ZFR2: variants seen among roughly 807,000 people sequenced by gnomAD.
ZFR2 encodes the protein zinc finger RNA binding protein 2, also known as zinc finger RNA-binding protein 2.
Under a neutral mutation model 105.7 loss-of-function variants are expected in ZFR2, and 104 were observed. The observed-to-expected ratio is 0.98, with a 90% CI of 0.84 to 1.16. The LOEUF (loss-of-function observed/expected upper bound fraction) is 1.16. Among genes scored for constraint, ZFR2 ranks in the 50% most tolerant of loss-of-function variants. ZFR2 has a pLI of 0.00. For missense variants in ZFR2, 1,425 were observed against 1,355.5 expected, an observed-to-expected ratio of 1.05 and a Z score of -0.80; for synonymous variants, 634 against 597.7, an observed-to-expected ratio of 1.06 and a Z score of -0.89.
chr19:3,856,088 G>A (rs1241468006), intron 1 of ZFR2, among the ~76,000 whole-genome samples: 1 of 152,244 alleles, frequency 6.6e-6, no homozygotes, highest in Non-Finnish European at 1.5e-5. Flanking sequence ...GCTGGTGCGC[G>A]GTGGAGGCGG....
intron 11 of ZFR2, among the ~76,000 whole-genome samples, chr19:3,819,640 G>A (rs1599226615): frequency 6.6e-6 from 1 of 152,246 alleles, no homozygotes; most frequent in South Asian, 2.1e-4. Context: ...GATCACCTGA[G>A]GTCAGGAGTT....
chr19:3,860,732 C>T (rs542755693), intron 1 of ZFR2, among the ~76,000 whole-genome samples: 38 of 152,158 alleles, frequency 2.5e-4, no homozygotes, highest in South Asian at 2.1e-4. Context: ...CCAACAGCAT[C>T]GGCTCACTAC....
At chr19:3,825,470 G>T in intron 6 of ZFR2, 63 bp from the exon 7 acceptor site, 1 of 1,512,068 alleles carries the variant, frequency 6.6e-7, no homozygotes, top group South Asian at 1.3e-5. Context: ...CCTTTTTCAA[G>T]AGGCAGGAAG....
At chr19:3,819,363 G>T in intron 11 of ZFR2, 128 bp from the exon 12 acceptor site, 2 of 992,696 alleles carry the variant, frequency 2.0e-6, no homozygotes, top group Non-Finnish European at 2.8e-6. Context: ...GGCCAGGTGA[G>T]AATCCAGTGC....
At chr19:3,851,348 A>C (rs1185133171) in intron 1 of ZFR2, among the ~76,000 whole-genome samples, 1 of 152,144 alleles carries the variant, frequency 6.6e-6, no homozygotes, top group African/African-American at 2.4e-5. Context: ...CAAGAGTAAT[A>C]TGTGTTTGGT....
At chr19:3,842,627 CT>C (rs35716661) in intron 1 of ZFR2, among the ~76,000 whole-genome samples, 185 of 141,920 alleles carry the variant, frequency 1.3e-3, no homozygotes, top group Non-Finnish European at 1.4e-3. Context: ...TTTCTTTTTT[CT>C]TTTTTTTTTT....
At chr19:3,831,145 G>A (rs2038009966) in intron 5 of ZFR2, among the ~76,000 whole-genome samples, 158 bp downstream of exon 5, 1 of 152,152 alleles carries the variant, frequency 6.6e-6, no homozygotes, top group Admixed American at 6.5e-5. Flanking sequence ...ACACACAAGC[G>A]CTTGCACACA....
chr19:3,864,403 AACAAAC>A (rs1370024490), intron 1 of ZFR2, among the ~76,000 whole-genome samples: 1 of 145,528 alleles, frequency 6.9e-6, no homozygotes, highest in Non-Finnish European at 1.5e-5. Flanking sequence ...CAAACAAACA[AACAAAC>A]AGAGGTTCTC....
At position 3,858,350 on chromosome 19, in the gene ZFR2, G is replaced by T. The variant is rs1438175464; in HGVS notation, c.53+10615C>A. 2.0e-5 allele frequency among the ~76,000 whole-genome samples: 3 copies of T among 152,130 alleles called. No homozygotes were observed. The highest frequency in any genetic ancestry group is 2.9e-5 in the Non-Finnish European group (2 of 68,036). On this transcript the variant is annotated intron_variant, in intron 1 of 18. Transcript: ENST00000262961. This position sits in a 1 kb window ranked among gnomAD's most constrained non-coding sequence, Gnocchi z 4.3. Reference sequence around the variant, plus strand: ...TGTCTTAGGGACAGCCAGGAAGATGGGTCATTCTCTATTTGCATATAATGC... The same window carrying T: ...TGTCTTAGGGACAGCCAGGAAGATGTGTCATTCTCTATTTGCATATAATGC...
intron 6 of ZFR2, among the ~76,000 whole-genome samples, chr19:3,825,948 T>C (rs2037944842): frequency 1.3e-5 from 2 of 152,226 alleles, no homozygotes; most frequent in African/African-American, 4.8e-5. Context: ...ACTGTGTGTG[T>C]GCTGGGGACC....
At chr19:3,831,632 C>T in intron 4 of ZFR2, 28 bp downstream of exon 4, 1 of 1,522,244 alleles carries the variant, frequency 6.6e-7, no homozygotes, top group Middle Eastern at 1.7e-4. Context: ...GACGGGCAGA[C>T]CACCTGGGCA....
chr19:3,868,323 C>T (rs2038457851), intron 1 of ZFR2, among the ~76,000 whole-genome samples: 1 of 149,170 alleles, frequency 6.7e-6, no homozygotes, highest in Admixed American at 6.7e-5. Context: ...TACCCTCTGT[C>T]CATCCCCCTG....
intron 13 of ZFR2, among the ~76,000 whole-genome samples, chr19:3,814,599 G>A (rs1487545291): frequency 6.6e-6 from 1 of 152,222 alleles, no homozygotes; most frequent in Non-Finnish European, 1.5e-5. Context: ...GGTGGATGTT[G>A]TCAGCTTCCC....
intron 1 of ZFR2, among the ~76,000 whole-genome samples, chr19:3,849,103 C>T (rs1351560639): frequency 2.6e-5 from 4 of 152,262 alleles, no homozygotes; most frequent in Non-Finnish European, 5.9e-5. Flanking sequence ...CTCCATTCTT[C>T]TCTGGCTTCC....
intron 1 of ZFR2, chr19:3,852,645 G>C (rs1758397263): frequency 2.8e-6 from 2 of 716,014 alleles, no homozygotes; most frequent in Non-Finnish European, 5.2e-6. Context: ...TGGTGGGAAG[G>C]GCATGGATAT....
intron 3 of ZFR2, among the ~76,000 whole-genome samples, chr19:3,832,851 C>T (rs2145161802): frequency 6.6e-6 from 1 of 151,406 alleles, no homozygotes; most frequent in South Asian, 2.1e-4. Flanking sequence ...GTTGCCCAGG[C>T]TGGTCTCGAA....
intron 1 of ZFR2, among the ~76,000 whole-genome samples, chr19:3,850,678 T>TA (rs1164640425): frequency 6.6e-6 from 1 of 151,560 alleles, no homozygotes; most frequent in Non-Finnish European, 1.5e-5. Context: ...GCCCAGGAGT[T>TA]AGACATCAGC....
chr19:3,817,882 GA>G (rs1309373843), intron 12 of ZFR2, among the ~76,000 whole-genome samples: 1 of 152,140 alleles, frequency 6.6e-6, no homozygotes, highest in African/African-American at 2.4e-5. Flanking sequence ...CCAGCAAAAG[GA>G]AGCCCTCAGG....
At chr19:3,855,423 CCCG>C in intron 1 of ZFR2, 1 of 1,231,590 alleles carries the variant, frequency 8.1e-7, no homozygotes, top group Non-Finnish European at 1.0e-6. Context: ...TGAAAGCAGT[CCCG>C]GGCGATCCGG....
Sources: allele counts gnomAD v4.1 joint callset (sites outside exome capture counted in the v4.1 genomes callset), GRCh38; gene constraint gnomAD v4.1.1; non-coding constraint Gnocchi (gnomAD v3.1); transcripts MANE v1.5; gene names NCBI Gene and HGNC (gene_info 2026-07-23, HGNC 2026-07-21).